Variants in XKR4 observed in about 807,000 individuals in gnomAD.
The protein encoded by XKR4 is XK related 4, also known as XK-related protein 4.
Under a neutral mutation model 53.9 loss-of-function variants are expected in XKR4, and 12 were observed. That is an observed-to-expected ratio of 0.22 (90% CI 0.14 to 0.36). The LOEUF (loss-of-function observed/expected upper bound fraction) is 0.36, where lower values mean the gene tolerates loss of function less well. Among genes scored for constraint, XKR4 ranks in the 10% least tolerant of loss-of-function variants. The pLI is 1.00. For missense variants in XKR4, 799 were observed against 859.5 expected (o/e 0.93, Z 0.88); for synonymous variants, 354 against 362.4 (o/e 0.98, Z 0.26).
intron 1 of XKR4, among the ~76,000 whole-genome samples, chr8:55,247,984 T>C (rs530668937): frequency 2.6e-5 from 4 of 150,948 alleles, no homozygotes; most frequent in African/African-American, 9.7e-5. Context: ...GCCTCCTAAG[T>C]AACTGGGACT....
At chr8:55,487,857 A>G (rs1352351079) in intron 2 of XKR4, among the ~76,000 whole-genome samples, 2 of 152,148 alleles carry the variant, frequency 1.3e-5, no homozygotes, top group Non-Finnish European at 2.9e-5. Flanking sequence ...ATTGTCTTAA[A>G]ACATACTTCA....
intron 1 of XKR4, among the ~76,000 whole-genome samples, chr8:55,225,295 C>T (rs1278931600): frequency 6.6e-6 from 1 of 152,154 alleles, no homozygotes; most frequent in Non-Finnish European, 1.5e-5. Context: ...ACAAGATAAA[C>T]AGTTACTTAC....
At chr8:55,204,389 A>G (rs1817616287) in intron 1 of XKR4, among the ~76,000 whole-genome samples, 1 of 152,116 alleles carries the variant, frequency 6.6e-6, no homozygotes, top group African/African-American at 2.4e-5. Context: ...ATTATATATA[A>G]TTTTTTCTTT....
intron 2 of XKR4, among the ~76,000 whole-genome samples, chr8:55,419,267 C>A (rs1023509357): frequency 6.6e-6 from 1 of 152,074 alleles, no homozygotes; most frequent in African/African-American, 2.4e-5. Context: ...TGCCTGTAAT[C>A]CCAGCTATTC....
rs185344928 is a variant in XKR4, at chr8:55,393,549, C to T, written c.1006+35672C>T. ...CTATATGGGGGCTTATTATACTAAC[C>T]TTTCTGCTTTTGTTTGGTTTGAAAT... is the stretch of plus-strand genomic sequence containing the variant. On this transcript the variant is annotated intron_variant, in intron 2 of 2. Coordinates refer to ENST00000327381, the MANE Select transcript of XKR4 (RefSeq NM_052898.2). Among the ~76,000 whole-genome samples, 3 of 152,188 alleles carry T rather than the reference C, an allele frequency of 2.0e-5. No individual in the cohort carries two copies. In the South Asian group the frequency reaches 6.2e-4, roughly 32 times the overall value.
rs138482034 is a variant in XKR4 at position 55,447,468 on chromosome 8, G to A, written c.1007-75813G>A. 1.7e-3 allele frequency among the ~76,000 whole-genome samples: 261 copies of A among 152,262 alleles called. 2 individuals are homozygous for A. The highest frequency in any genetic ancestry group is 6.0e-3 in the African/African-American group (249 of 41,564). ...AAGGTTGGCTAAGAAAGAAAGGAAA[G>A]ACCCCACATAATAACAGGGGTGGAA... On this transcript the variant is annotated intron_variant, in intron 2 of 2. Transcript: ENST00000327381.
chr8:55,152,745 T>C (rs1012875289), intron 1 of XKR4, among the ~76,000 whole-genome samples: 2 of 152,234 alleles, frequency 1.3e-5, no homozygotes, highest in Non-Finnish European at 1.5e-5. Flanking sequence ...TTTGCTCTAA[T>C]ACAGTTCAGT....
intron 1 of XKR4, among the ~76,000 whole-genome samples, chr8:55,141,022 T>C (rs1816694758): frequency 6.6e-6 from 1 of 152,152 alleles, no homozygotes; most frequent in African/African-American, 2.4e-5. Context: ...TCAGTACTTT[T>C]AGTATGTCCA....
intron 2 of XKR4, among the ~76,000 whole-genome samples, chr8:55,484,361 A>C (rs1005183109): frequency 7.9e-5 from 12 of 152,220 alleles, no homozygotes; most frequent in Non-Finnish European, 1.6e-4. Flanking sequence ...CATGTAAAAC[A>C]ATGCAAAAAG....
chr8:55,117,545 A>G (rs1816327674), intron 1 of XKR4, among the ~76,000 whole-genome samples: 1 of 152,196 alleles, frequency 6.6e-6, no homozygotes, highest in Non-Finnish European at 1.5e-5. Flanking sequence ...TGCCATGCAC[A>G]TTCATTCTGT....
At chr8:55,120,478 G>A (rs1347774445) in intron 1 of XKR4, among the ~76,000 whole-genome samples, 1 of 147,738 alleles carries the variant, frequency 6.8e-6, no homozygotes. Flanking sequence ...TGATACTTTG[G>A]GAACATGGGT....
At chr8:55,502,982 G>A (rs1271767094) in intron 2 of XKR4, among the ~76,000 whole-genome samples, 2 of 152,048 alleles carry the variant, frequency 1.3e-5, no homozygotes, top group African/African-American at 4.8e-5. Context: ...GAATGTCTTG[G>A]CAATCTTGTC....
intron 1 of XKR4, among the ~76,000 whole-genome samples, chr8:55,252,128 AT>A (rs1412533266): frequency 6.6e-6 from 1 of 152,188 alleles, no homozygotes; most frequent in Non-Finnish European, 1.5e-5. Flanking sequence ...GATTTAAATT[AT>A]GTGCATTTGT....
intron 2 of XKR4, among the ~76,000 whole-genome samples, chr8:55,490,163 G>A (rs1487306164): frequency 6.6e-6 from 1 of 152,034 alleles, no homozygotes; most frequent in African/African-American, 2.4e-5. Context: ...TATTTCTTAT[G>A]AGATCATTTA....
chr8:55,381,635 G>A (rs1266996736), intron 2 of XKR4, among the ~76,000 whole-genome samples: 1 of 151,772 alleles, frequency 6.6e-6, no homozygotes, highest in African/African-American at 2.4e-5. Flanking sequence ...CAGCCAATTG[G>A]GTGGAAGCCA....
intron 1 of XKR4, among the ~76,000 whole-genome samples, chr8:55,215,190 G>A (rs1255638054): frequency 2.6e-5 from 4 of 152,038 alleles, no homozygotes; most frequent in Non-Finnish European, 5.9e-5. Flanking sequence ...TTCATCCCCT[G>A]TGACATTAGG....
intron 1 of XKR4, among the ~76,000 whole-genome samples, chr8:55,184,797 T>C (rs1355776438): frequency 2.0e-5 from 3 of 152,224 alleles, no homozygotes; most frequent in South Asian, 4.1e-4. Flanking sequence ...CTAATCAGGA[T>C]GTCTGTTGTG....
chr8:55,119,609 G>GCAAT (rs1426794865), intron 1 of XKR4, among the ~76,000 whole-genome samples: 80 of 152,220 alleles, frequency 5.3e-4, no homozygotes, highest in African/African-American at 1.8e-3. Context: ...GAGTGTCAGG[G>GCAAT]GAGGCTCACA....
intron 1 of XKR4, chr8:55,142,386 C>T (rs1816718258): frequency 1.0e-5 from 3 of 294,184 alleles, no homozygotes; most frequent in Non-Finnish European, 1.4e-5. Context: ...CTTGGCAACC[C>T]GTTGGCGCTC....
Sources: gnomAD v4.1 joint callset for allele counts (sites outside exome capture counted in the v4.1 genomes callset) on GRCh38, gnomAD v4.1.1 for gene constraint, MANE v1.5 for transcripts, NCBI Gene and HGNC (gene_info 2026-07-23, HGNC 2026-07-21) for gene names.